RPS6KC1: variants seen among roughly 807,000 people sequenced by gnomAD.
RPS6KC1 encodes the protein inactive ribosomal protein S6 kinase delta-1.
Under a neutral mutation model 103.8 loss-of-function variants are expected in RPS6KC1, and 54 were observed. The observed-to-expected ratio is 0.52, with a 90% CI of 0.42 to 0.65. RPS6KC1 has a LOEUF of 0.65. Ranked by LOEUF, RPS6KC1 falls within the 30% of genes least tolerant of loss-of-function variation. RPS6KC1 has a pLI of 0.00. For synonymous variants in RPS6KC1, 439 were observed against 438.7 expected, an observed-to-expected ratio of 1.00 and a Z score of -0.01; for missense variants, 1,151 against 1,253.8, an observed-to-expected ratio of 0.92 and a Z score of 1.24.
At chr1:213,492,553 C>T in the RPS6KC1 span, 1 of 152,214 alleles carries the variant, frequency 6.6e-6, no homozygotes, top group Non-Finnish European at 1.5e-5. Context: ...TTCTCCACCT[C>T]CTTTTCCCTT....
intron 3 of RPS6KC1, among the ~76,000 whole-genome samples, chr1:213,080,873 G>C (rs940389527): frequency 8.5e-5 from 13 of 152,164 alleles, no homozygotes; most frequent in African/African-American, 3.1e-4. Flanking sequence ...CCTTATTAAC[G>C]TTATTATGAC....
intron 8 of RPS6KC1, among the ~76,000 whole-genome samples, chr1:213,209,326 A>G (rs2093437401): frequency 1.3e-5 from 2 of 152,214 alleles, no homozygotes; most frequent in South Asian, 2.1e-4. Context: ...CCAAACCCCA[A>G]GAGAGGATTC....
At chr1:213,152,934 C>T (rs1248497664) in intron 6 of RPS6KC1, among the ~76,000 whole-genome samples, 1 of 152,240 alleles carries the variant, frequency 6.6e-6, no homozygotes, top group Non-Finnish European at 1.5e-5. Flanking sequence ...CGCTACTGCA[C>T]TCCAGCCTGG....
chr1:213,808,397 G>A, the RPS6KC1 span, among the ~76,000 whole-genome samples: 3 of 152,232 alleles, frequency 2.0e-5, no homozygotes, highest in African/African-American at 4.8e-5. Context: ...AGCCTACAGA[G>A]GCAGGCAGGC....
the RPS6KC1 span, among the ~76,000 whole-genome samples, chr1:213,291,053 G>C: frequency 6.6e-6 from 1 of 152,200 alleles, no homozygotes; most frequent in African/African-American, 2.4e-5. Context: ...TCCCAGGCAA[G>C]TTCTTTAAGC....
the RPS6KC1 span, among the ~76,000 whole-genome samples, chr1:213,723,473 T>C: frequency 9.2e-5 from 14 of 152,248 alleles, no homozygotes; most frequent in Admixed American, 2.0e-4. Context: ...CTTCCAACGG[T>C]CTCCCTGTGG....
the RPS6KC1 span, among the ~76,000 whole-genome samples, chr1:213,595,738 C>G: frequency 6.6e-6 from 1 of 152,328 alleles, no homozygotes; most frequent in East Asian, 1.9e-4. Flanking sequence ...TAGTGTTCAA[C>G]AGAGTGCTTA....
the RPS6KC1 span, among the ~76,000 whole-genome samples, chr1:213,365,014 T>C: frequency 0.031 from 4,696 of 152,250 alleles, 256 homozygotes; most frequent in African/African-American, 0.11. Context: ...ATAGGATTCA[T>C]TGAGCACCAT....
the RPS6KC1 span, among the ~76,000 whole-genome samples, chr1:213,765,659 A>T: frequency 6.6e-6 from 1 of 151,214 alleles, no homozygotes; most frequent in African/African-American, 2.4e-5. Flanking sequence ...ACATAAGGCC[A>T]CTCCTCCCTC....
At chr1:213,587,306 AG>A in the RPS6KC1 span, among the ~76,000 whole-genome samples, 2 of 152,202 alleles carry the variant, frequency 1.3e-5, no homozygotes, top group Non-Finnish European at 1.5e-5. Context: ...AGGGGAAGGC[AG>A]GGCAGCCCTA....
chr1:213,583,082 G>A, the RPS6KC1 span, among the ~76,000 whole-genome samples: 4 of 152,190 alleles, frequency 2.6e-5, no homozygotes, highest in Non-Finnish European at 4.4e-5. Context: ...TTGCCGTTGC[G>A]TGCATCACTA....
At chr1:213,795,014 T>C in the RPS6KC1 span, among the ~76,000 whole-genome samples, 1 of 152,212 alleles carries the variant, frequency 6.6e-6, no homozygotes, top group Non-Finnish European at 1.5e-5. Flanking sequence ...GACTTCCCAT[T>C]TAAGTTTAGG....
chr1:213,132,175 T>G (rs1487718678), intron 6 of RPS6KC1, among the ~76,000 whole-genome samples: 1 of 152,240 alleles, frequency 6.6e-6, no homozygotes, highest in Non-Finnish European at 1.5e-5. Context: ...CCTACTAGAC[T>G]GCTATCTTAA....
intron 10 of RPS6KC1, among the ~76,000 whole-genome samples, chr1:213,232,736 A>G (rs2148875502): frequency 6.6e-6 from 1 of 152,294 alleles, no homozygotes; most frequent in African/African-American, 2.4e-5. Flanking sequence ...GAATACAGCC[A>G]TTGGCATCAC....
At chr1:213,842,568 C>T in the RPS6KC1 span, among the ~76,000 whole-genome samples, 1 of 152,158 alleles carries the variant, frequency 6.6e-6, no homozygotes, top group Admixed American at 6.5e-5. Flanking sequence ...CTGACATCCC[C>T]CAAGGCCAAT....
At chr1:213,151,666 A>C (rs2147920583) in intron 6 of RPS6KC1, among the ~76,000 whole-genome samples, 1 of 77,102 alleles carries the variant, frequency 1.3e-5, no homozygotes, top group African/African-American at 6.7e-5. Flanking sequence ...ACTTCCCAGT[A>C]GGGGCGGCCG....
chr1:213,625,925 A>G, the RPS6KC1 span, among the ~76,000 whole-genome samples: 577 of 152,318 alleles, frequency 3.8e-3, 4 homozygotes, highest in African/African-American at 0.013. Flanking sequence ...CATGTTTTAT[A>G]ATCCTTTGGG....
chr1:213,715,516 G>A, the RPS6KC1 span, among the ~76,000 whole-genome samples: 1 of 152,220 alleles, frequency 6.6e-6, no homozygotes, highest in East Asian at 1.9e-4. Context: ...GGTCTTCCAA[G>A]TAAGTGAGAA....
At chr1:213,405,333 C>T in the RPS6KC1 span, among the ~76,000 whole-genome samples, 2 of 152,228 alleles carry the variant, frequency 1.3e-5, no homozygotes, top group East Asian at 1.9e-4. Context: ...AACTCCAAGT[C>T]ACAAAATGTC....
Sources: allele counts gnomAD v4.1 joint callset (sites outside exome capture counted in the v4.1 genomes callset), GRCh38; gene constraint gnomAD v4.1.1; transcripts MANE v1.5; gene names NCBI Gene and HGNC (gene_info 2026-07-23, HGNC 2026-07-21).